The following KLHL32 variants were observed in gnomAD, a reference collection of about 807,000 sequenced individuals.
The protein encoded by KLHL32 is kelch-like protein 32.
KLHL32 carries 35 observed loss-of-function variants against 64.8 expected under a neutral mutation model. The observed-to-expected ratio is 0.54, with a 90% CI of 0.41 to 0.72. The LOEUF is 0.72. Among genes scored for constraint, KLHL32 ranks in the 30% least tolerant of loss-of-function variants. The probability of loss-of-function intolerance (pLI) is 0.00; values close to 1 mark genes in which losing one functional copy is unlikely to be tolerated. For synonymous variants in KLHL32, 259 were observed against 281.0 expected (o/e 0.92, Z 0.78); for missense variants, 589 against 768.5 (o/e 0.77, Z 2.76).
chr6:96,963,356 C>T (rs1022476826), intron 1 of KLHL32, among the ~76,000 whole-genome samples: 3 of 152,214 alleles, frequency 2.0e-5, no homozygotes, highest in Non-Finnish European at 2.9e-5. Context: ...AAGTCAGTAC[C>T]TTCTCCATTG....
chr6:97,089,654 C>G (rs1196950978), intron 6 of KLHL32, among the ~76,000 whole-genome samples: 2 of 151,986 alleles, frequency 1.3e-5, no homozygotes, highest in African/African-American at 4.8e-5. Context: ...TGGCAGGCAC[C>G]TGTAATCCCA....
At chr6:96,919,805 CAAGTTGCTTACTT>C (rs1768694826), upstream of KLHL32, among the ~76,000 whole-genome samples, 1 of 152,102 alleles carries the variant, frequency 6.6e-6, no homozygotes, top group African/African-American at 2.4e-5. Context: ...CAGAGAAAAT[CAAGTTGCTTACTT>C]AAGATATTTC....
chr6:96,928,351 ATATT>A (rs1416535745), intron 1 of KLHL32, among the ~76,000 whole-genome samples: 3 of 152,262 alleles, frequency 2.0e-5, no homozygotes, highest in African/African-American at 7.2e-5. Context: ...GTGATACCTA[ATATT>A]GATGAGCTTA....
At chr6:96,972,982 G>A (rs1029491586) in intron 2 of KLHL32, among the ~76,000 whole-genome samples, 2 of 152,158 alleles carry the variant, frequency 1.3e-5, no homozygotes, top group Non-Finnish European at 2.9e-5. Context: ...GAGTTGAGTG[G>A]GAAGTTACTT....
At chr6:96,950,268 G>A (rs972219458) in intron 1 of KLHL32, among the ~76,000 whole-genome samples, 2 of 151,532 alleles carry the variant, frequency 1.3e-5, no homozygotes, top group African/African-American at 4.8e-5. Context: ...CAAGAACAAT[G>A]TCTAAACAAT....
chr6:96,938,383 G>A (rs1207267100), intron 1 of KLHL32, among the ~76,000 whole-genome samples: 1 of 152,210 alleles, frequency 6.6e-6, no homozygotes, highest in East Asian at 1.9e-4. Flanking sequence ...TGGCCAGGTG[G>A]TACTGGGGCA....
chr6:96,940,573 A>T (rs1420521983), intron 1 of KLHL32, among the ~76,000 whole-genome samples: 8 of 152,268 alleles, frequency 5.3e-5, no homozygotes, highest in Non-Finnish European at 1.2e-4. Flanking sequence ...ACTGCAGCCC[A>T]GACCTCATTA....
intron 3 of KLHL32, among the ~76,000 whole-genome samples, chr6:97,031,137 G>A (rs1376745259): frequency 4.6e-5 from 7 of 152,070 alleles, no homozygotes; most frequent in Admixed American, 3.9e-4. Context: ...TCACTAGTTT[G>A]GATAGACTAG....
the KLHL32 span, among the ~76,000 whole-genome samples, chr6:96,904,339 C>CAAAAA: frequency 3.5e-4 from 37 of 106,014 alleles, no homozygotes; most frequent in Admixed American, 6.1e-4. Context: ...AAGACTTTGT[C>CAAAAA]AAAAAAAAAA....
At chr6:97,007,494 T>C (rs1016539313) in intron 3 of KLHL32, among the ~76,000 whole-genome samples, 3 of 152,230 alleles carry the variant, frequency 2.0e-5, no homozygotes, top group African/African-American at 7.2e-5. Flanking sequence ...ATTTGAGCCA[T>C]TTCAGCCTGG....
intron 3 of KLHL32, among the ~76,000 whole-genome samples, chr6:97,032,502 G>C (rs937819140): frequency 6.6e-6 from 1 of 152,118 alleles, no homozygotes; most frequent in African/African-American, 2.4e-5. Context: ...TAGAAATGTC[G>C]ATTTTTAAAA....
intron 1 of KLHL32, among the ~76,000 whole-genome samples, chr6:96,927,619 G>A (rs1484722518): frequency 6.6e-6 from 1 of 152,178 alleles, no homozygotes; most frequent in Non-Finnish European, 1.5e-5. Flanking sequence ...GAGAGGTGTA[G>A]TTAAAAGGAA....
chr6:96,911,785 G>C, the KLHL32 span, among the ~76,000 whole-genome samples: 1 of 115,674 alleles, frequency 8.6e-6, no homozygotes, highest in Non-Finnish European at 1.8e-5. Context: ...CCCTTCTTTT[G>C]AAATATTCTT....
chr6:97,100,488 GT>G (rs1176930777), intron 6 of KLHL32, among the ~76,000 whole-genome samples: 5 of 152,330 alleles, frequency 3.3e-5, no homozygotes, highest in Admixed American at 6.5e-5. Flanking sequence ...CTGTGCTTCA[GT>G]TTATGGGTTC....
chr6:96,973,754 G>T (rs553907965), intron 2 of KLHL32, among the ~76,000 whole-genome samples: 1 of 47,006 alleles, frequency 2.1e-5, no homozygotes, highest in African/African-American at 8.6e-5. Context: ...ACAGAGTCTC[G>T]CTCTGTTGCC....
intron 7 of KLHL32, among the ~76,000 whole-genome samples, chr6:97,126,822 A>C (rs1159908194): frequency 6.6e-6 from 1 of 152,216 alleles, no homozygotes; most frequent in Non-Finnish European, 1.5e-5. Flanking sequence ...AAAATTTATT[A>C]AATTTAATTT....
the KLHL32 span, among the ~76,000 whole-genome samples, chr6:96,915,663 A>G: frequency 1.3e-5 from 2 of 152,298 alleles, no homozygotes; most frequent in Admixed American, 1.3e-4. Flanking sequence ...TAAAAAAAAA[A>G]AGGGATGGAT....
chr6:96,898,592 A>G, the KLHL32 span, among the ~76,000 whole-genome samples: 104 of 152,144 alleles, frequency 6.8e-4, no homozygotes, highest in Admixed American at 1.8e-3. Context: ...CATGCTACTA[A>G]ATGCTGAGTC....
chr6:97,041,800 A>G (rs1050317724), intron 4 of KLHL32, among the ~76,000 whole-genome samples: 2 of 152,216 alleles, frequency 1.3e-5, no homozygotes, highest in Admixed American at 6.5e-5. Flanking sequence ...TGATCCAGTG[A>G]ACATAGTATT....
Sources: allele counts gnomAD v4.1 joint callset (sites outside exome capture counted in the v4.1 genomes callset), GRCh38; gene constraint gnomAD v4.1.1; transcripts MANE v1.5; gene names NCBI Gene and HGNC (gene_info 2026-07-23, HGNC 2026-07-21).